Variants in GLT1D1 observed in about 807,000 individuals in gnomAD.
GLT1D1 encodes glycosyltransferase 1 domain containing 1.
Under a neutral mutation model 28.7 loss-of-function variants are expected in GLT1D1, and 21 were observed. That is an observed-to-expected ratio of 0.73 (90% confidence interval 0.52 to 1.05). GLT1D1 has a LOEUF of 1.05. GLT1D1 is among the 50% of genes least tolerant of loss of function. The pLI, the probability that GLT1D1 is intolerant of heterozygous loss-of-function variation, is 0.00. For synonymous variants in GLT1D1, 147 were observed against 124.8 expected, an observed-to-expected ratio of 1.18 and a Z score of -1.19; for missense variants, 343 against 330.6, an observed-to-expected ratio of 1.04 and a Z score of -0.29.
rs943433734 is a variant in GLT1D1 at position 128,983,597 on chromosome 12, G to A, written c.*507G>A. On this transcript the variant is annotated 3_prime_UTR_variant, in exon 8 of 8. Transcript: ENST00000281703. This position sits in a 1 kb window ranked among gnomAD's most constrained non-coding sequence, Gnocchi z 4.7. ...CTGACAGGCACGTGGGTGACCCGAG[G>A]CTTCTCTGAACACTAGAAAGCGCTG... 6.5e-6 allele frequency: 1 copy of A among 154,756 alleles called. No homozygotes were observed. The highest frequency in any genetic ancestry group is 1.4e-5 in the Non-Finnish European group (1 of 69,546). 9.6% of individuals were successfully genotyped at this position (154,756 alleles called of 1,614,324 possible).
Position 128,943,665 on chromosome 12 carries a change from T to C in GLT1D1, c.376-1661T>C, listed in dbSNP as rs1378604711. ...CGAATGGATACATTGTTGTAGCAAA[T>C]TGAAAATTCTGAGTAAACTGAAAGT... On this transcript the variant is annotated intron_variant, in intron 4 of 7. Transcript: ENST00000281703. Among the ~76,000 whole-genome samples the C allele has an allele frequency of 2.0e-5, 3 of 152,250 alleles. No homozygotes were observed. In the East Asian group the frequency reaches 5.8e-4, roughly 29 times the overall value.
chr12:128,965,833 T>C (rs1878403751), intron 7 of GLT1D1, among the ~76,000 whole-genome samples: 1 of 151,852 alleles, frequency 6.6e-6, no homozygotes, highest in African/African-American at 2.4e-5. Flanking sequence ...TGATGGAAGT[T>C]GCCGTGAGCT....
At chr12:128,931,662 C>T (rs1450361916) in intron 4 of GLT1D1, among the ~76,000 whole-genome samples, 1 of 152,130 alleles carries the variant, frequency 6.6e-6, no homozygotes, top group African/African-American at 2.4e-5. Context: ...CTTTCGTTTG[C>T]CTGCTTCTGA....
chr12:128,972,317 G>A (rs933381510), intron 7 of GLT1D1, among the ~76,000 whole-genome samples: 5 of 152,264 alleles, frequency 3.3e-5, no homozygotes, highest in African/African-American at 1.2e-4. Flanking sequence ...CCAGCTCCAC[G>A]TGTAGGTAGC....
intron 1 of GLT1D1, among the ~76,000 whole-genome samples, chr12:128,871,640 G>A (rs536580665): frequency 2.6e-5 from 4 of 152,268 alleles, no homozygotes; most frequent in African/African-American, 7.2e-5. Flanking sequence ...ATGTTTCTCT[G>A]TGGCTCCCAC....
intron 7 of GLT1D1, among the ~76,000 whole-genome samples, chr12:128,981,823 G>A (rs775284839): frequency 3.5e-4 from 54 of 152,128 alleles, no homozygotes; most frequent in Non-Finnish European, 6.2e-4. Flanking sequence ...AGAGGTATGT[G>A]ATTACCCCTG....
At chr12:128,864,974 G>C (rs1956479533) in intron 1 of GLT1D1, among the ~76,000 whole-genome samples, 1 of 152,210 alleles carries the variant, frequency 6.6e-6, no homozygotes, top group Non-Finnish European at 1.5e-5. Context: ...TCAGAGGCTG[G>C]AGGAGAGGGA....
chr12:128,899,716 A>T (rs548589594), intron 4 of GLT1D1, among the ~76,000 whole-genome samples: 12 of 151,636 alleles, frequency 7.9e-5, no homozygotes, highest in African/African-American at 2.7e-4. Context: ...TACCCAGCTA[A>T]TTTTTTTGTA....
intron 2 of GLT1D1, among the ~76,000 whole-genome samples, chr12:128,886,419 C>T (rs562989414): frequency 6.6e-6 from 1 of 152,212 alleles, no homozygotes; most frequent in African/African-American, 2.4e-5. Flanking sequence ...CCACATCCTA[C>T]TTCCCAAGAC....
In GLT1D1 at chr12:128,983,374, T is replaced by G; in HGVS notation, c.*284T>G. ...AAGGGGAACTGGTTTTCAGGGAATTTGGGAGAGAATTTGATTACCTGCCTT... is the reference window on the plus strand; with the variant it reads ...AAGGGGAACTGGTTTTCAGGGAATTGGGGAGAGAATTTGATTACCTGCCTT... On this transcript the variant is annotated 3_prime_UTR_variant, in exon 8 of 8. Coordinates refer to ENST00000281703, the MANE Select transcript of GLT1D1 (RefSeq NM_144669.3). The surrounding 1 kb of genome is among the most constrained non-coding windows in gnomAD (Gnocchi z 4.7). 2.7e-6 allele frequency: 1 copy of G among 371,660 alleles called. No individual in the cohort carries two copies. The highest frequency in any genetic ancestry group is 4.9e-6 in the Non-Finnish European group (1 of 203,356). 23.0% of individuals were successfully genotyped at this position (371,660 alleles called of 1,614,324 possible).
At chr12:128,892,103 G>A (rs1180610116) in intron 3 of GLT1D1, among the ~76,000 whole-genome samples, 1 of 152,176 alleles carries the variant, frequency 6.6e-6, no homozygotes, top group Non-Finnish European at 1.5e-5. Flanking sequence ...TTGCATTTCT[G>A]ATTGGCCTTT....
chr12:128,922,162 CTGTG>C (rs57835879), intron 4 of GLT1D1, among the ~76,000 whole-genome samples: 35,029 of 148,220 alleles, frequency 0.24, 4,810 homozygotes, highest in Non-Finnish European at 0.33. Flanking sequence ...TATGTAAACT[CTGTG>C]TGTGTGTGTG....
chr12:128,944,472 C>T, intron 4 of GLT1D1: 23 of 1,307,822 alleles, frequency 1.8e-5, no homozygotes, highest in Non-Finnish European at 2.4e-5. Context: ...CATCCTCACG[C>T]TGAATGAGCG....
intron 1 of GLT1D1, among the ~76,000 whole-genome samples, chr12:128,857,804 T>G (rs946108304): frequency 2.0e-5 from 3 of 152,202 alleles, no homozygotes; most frequent in African/African-American, 7.2e-5. Flanking sequence ...GGGGTTCTAT[T>G]CTTGCACAAG....
Position 128,957,952 on chromosome 12 carries a change from T to G in GLT1D1, c.639+309T>G, listed in dbSNP as rs1877465862. Among the ~76,000 whole-genome samples the G allele has an allele frequency of 2.0e-5, 3 of 152,258 alleles. No individual in the cohort carries two copies. The South Asian group carries it at 6.2e-4, about 32-fold the overall frequency. On this transcript the variant is annotated intron_variant, in intron 7 of 7. Coordinates refer to ENST00000281703, the MANE Select transcript of GLT1D1 (RefSeq NM_144669.3). Reference sequence around the variant, plus strand: ...GAAACGTGCACTCTCAGACACAACCTTGTATTTATGGAACATCTGCTGGCT... The same window carrying G: ...GAAACGTGCACTCTCAGACACAACCGTGTATTTATGGAACATCTGCTGGCT...
intron 2 of GLT1D1, among the ~76,000 whole-genome samples, chr12:128,883,321 G>C (rs1329714802): frequency 1.3e-5 from 2 of 151,578 alleles, no homozygotes; most frequent in African/African-American, 4.8e-5. Flanking sequence ...GCCGGGCGTA[G>C]TGGCTCATGC....
chr12:128,854,738 C>T (rs1291174130), intron 1 of GLT1D1, among the ~76,000 whole-genome samples: 2 of 152,110 alleles, frequency 1.3e-5, no homozygotes, highest in South Asian at 2.1e-4. Flanking sequence ...CTCAGGTGAT[C>T]CGCCTGCCTC....
chr12:128,854,882 A>G (rs1051284884), intron 1 of GLT1D1, among the ~76,000 whole-genome samples: 2 of 152,178 alleles, frequency 1.3e-5, no homozygotes, highest in African/African-American at 4.8e-5. Context: ...CATAAGCAGA[A>G]ATGACCAAGA....
chr12:128,924,954 C>T (rs1018804294), intron 4 of GLT1D1, among the ~76,000 whole-genome samples: 1 of 152,104 alleles, frequency 6.6e-6, no homozygotes, highest in African/African-American at 2.4e-5. Context: ...AGACTGTGGC[C>T]ATCCACCACA....
Sources: allele counts gnomAD v4.1 joint callset (sites outside exome capture counted in the v4.1 genomes callset), GRCh38; gene constraint gnomAD v4.1.1; non-coding constraint Gnocchi (gnomAD v3.1); transcripts MANE v1.5; gene names NCBI Gene and HGNC (gene_info 2026-07-23, HGNC 2026-07-21).